Variants in DOCK1 observed in about 807,000 individuals in gnomAD.
The protein encoded by DOCK1 is dedicator of cytokinesis protein 1.
In DOCK1, 138 loss-of-function variants were observed where a neutral mutation model predicts 262.7. The ratio of observed to expected loss-of-function variants is 0.53; its 90% confidence interval spans 0.46 to 0.61. The LOEUF is 0.61. DOCK1 is among the 20% of genes least tolerant of loss of function. The pLI is 0.00. For missense variants in DOCK1, 1,908 were observed against 2,370.7 expected, an observed-to-expected ratio of 0.80 and a Z score of 4.05; for synonymous variants, 866 against 867.4, an observed-to-expected ratio of 1.00 and a Z score of 0.03.
chr10:127,180,034 C>T (rs2055577499), intron 27 of DOCK1, among the ~76,000 whole-genome samples: 1 of 152,186 alleles, frequency 6.6e-6, no homozygotes, highest in Non-Finnish European at 1.5e-5. Flanking sequence ...TAGTGGGCCA[C>T]ACCCATTGAA....
At chr10:127,151,731 T>G (rs564964778) in intron 27 of DOCK1, among the ~76,000 whole-genome samples, 1 of 152,340 alleles carries the variant, frequency 6.6e-6, no homozygotes, top group African/African-American at 2.4e-5. Flanking sequence ...TGCCTCGCCC[T>G]CTACCTAGTG....
At chr10:127,324,846 TA>T (rs2062689914) in intron 29 of DOCK1, among the ~76,000 whole-genome samples, 1 of 152,228 alleles carries the variant, frequency 6.6e-6, no homozygotes, top group Non-Finnish European at 1.5e-5. Flanking sequence ...TGAGCCTTGA[TA>T]AATGATTCAT....
intron 32 of DOCK1, among the ~76,000 whole-genome samples, chr10:127,361,475 T>C (rs982388425): frequency 1.3e-5 from 2 of 152,180 alleles, no homozygotes; most frequent in Non-Finnish European, 2.9e-5. Flanking sequence ...GTAGAATCAC[T>C]GCTGTTTTTA....
At chr10:126,915,968 G>T (rs1481406640) in intron 1 of DOCK1, among the ~76,000 whole-genome samples, 1 of 152,222 alleles carries the variant, frequency 6.6e-6, no homozygotes, top group Non-Finnish European at 1.5e-5. Flanking sequence ...TCTTGTCTAT[G>T]AGTATGTATG....
rs953419860 is a variant in DOCK1 at position 127,221,629 on chromosome 10, G to T, written c.2848-26379G>T. Among the ~76,000 whole-genome samples the T allele has an allele frequency of 2.0e-5, 3 of 152,124 alleles. 1 individual carries two copies. In the South Asian group the frequency reaches 6.2e-4, roughly 32 times the overall value. ...GGGCTCATAATACATGATGTAATTG[G>T]TTGGAAACGTGGATGTCCAAAAAGT... On this transcript the variant is annotated intron_variant, in intron 27 of 51. Coordinates refer to ENST00000623213, the MANE Select transcript of DOCK1 (RefSeq NM_001290223.2).
At chr10:126,994,312 T>C (rs1166554501) in intron 6 of DOCK1, among the ~76,000 whole-genome samples, 1 of 152,098 alleles carries the variant, frequency 6.6e-6, no homozygotes, top group Non-Finnish European at 1.5e-5. Flanking sequence ...TGTTTATTTA[T>C]TTATTTATTT....
chr10:126,920,644 C>G (rs753804127), intron 1 of DOCK1, among the ~76,000 whole-genome samples: 7 of 152,304 alleles, frequency 4.6e-5, no homozygotes, highest in Non-Finnish European at 7.3e-5. Flanking sequence ...CACAGATTGG[C>G]AAGCTTTTTC....
intron 13 of DOCK1, among the ~76,000 whole-genome samples, chr10:127,022,252 GC>G (rs2135441080): frequency 6.6e-6 from 1 of 152,202 alleles, no homozygotes; most frequent in South Asian, 2.1e-4. Context: ...GAAGGGAAGA[GC>G]CATGCAGAAA....
chr10:127,353,674 C>T (rs1410285466), intron 31 of DOCK1, among the ~76,000 whole-genome samples: 2 of 152,340 alleles, frequency 1.3e-5, no homozygotes, highest in East Asian at 1.9e-4. Context: ...TGGGCCAAGG[C>T]GCATGGCCTC....
intron 33 of DOCK1, among the ~76,000 whole-genome samples, chr10:127,371,997 G>C (rs776295295): frequency 1.8e-4 from 28 of 152,212 alleles, no homozygotes; most frequent in Non-Finnish European, 2.9e-4. Context: ...CCATCTGTCT[G>C]TGCTGCTAAA....
At chr10:127,020,746 C>CT (rs2042357651) in intron 13 of DOCK1, among the ~76,000 whole-genome samples, 1 of 152,158 alleles carries the variant, frequency 6.6e-6, no homozygotes, top group Non-Finnish European at 1.5e-5. Context: ...CGAGTAATCA[C>CT]TGGCCGCGCT....
intron 38 of DOCK1, among the ~76,000 whole-genome samples, chr10:127,397,965 T>C (rs1483341482): frequency 6.6e-6 from 1 of 152,138 alleles, no homozygotes; most frequent in Admixed American, 6.5e-5. Context: ...GCGACTCCTG[T>C]ATTACACAAC....
At chr10:127,166,159 G>A (rs188398689) in intron 27 of DOCK1, among the ~76,000 whole-genome samples, 3 of 152,214 alleles carry the variant, frequency 2.0e-5, no homozygotes, top group Non-Finnish European at 4.4e-5. Context: ...TCTGCCTCCC[G>A]GGCTCACTCC....
chr10:126,988,036 TAGGTA>T (rs1292547039), intron 5 of DOCK1: 1 of 147,424 alleles, frequency 6.8e-6, no homozygotes, highest in Non-Finnish European at 1.5e-5. Context: ...TGTCTGACAG[TAGGTA>T]ATACCTCTTA....
chr10:126,918,985 G>GGATTTGGAGGC (rs1564982423), intron 1 of DOCK1, among the ~76,000 whole-genome samples: 1 of 106,770 alleles, frequency 9.4e-6, no homozygotes, highest in African/African-American at 3.2e-5. Flanking sequence ...AAAGCCGAGA[G>GGATTTGGAGGC]GGAGTGTGGG....
Position 127,037,739 on chromosome 10 carries a change from A to T in DOCK1, c.1933A>T (p.Lys645Ter). ...TQNVDLLGLL[K>*]WRSNTSLLQQ... Reference sequence around the variant, plus strand: ...TCCAGTGGACCTTCTGGGGCTCTTGAAATGGCGCTCCAACACCAGCCTGCT... The same window carrying T: ...TCCAGTGGACCTTCTGGGGCTCTTGTAATGGCGCTCCAACACCAGCCTGCT... Residue 645 changes from lysine (K) to a stop codon, truncating the protein, a stop_gained, in exon 19 of 52, where the codon AAA becomes TAA. Coordinates refer to ENST00000623213, the MANE Select transcript of DOCK1 (RefSeq NM_001290223.2). LOFTEE classifies it high-confidence loss of function. The T allele has an allele frequency of 6.3e-7, 1 of 1,593,424 alleles. No homozygotes were observed. Among genetic ancestry groups the T allele is most frequent in the Non-Finnish European group, 8.5e-7 (1 of 1,169,702 alleles).
intron 29 of DOCK1, among the ~76,000 whole-genome samples, chr10:127,291,063 C>T (rs1012114210): frequency 1.1e-4 from 16 of 152,098 alleles, no homozygotes; most frequent in South Asian, 8.3e-4. Context: ...TTTGCATCCT[C>T]GACTGCTTCA....
chr10:127,110,473 G>A, intron 25 of DOCK1, 119 bp downstream of exon 25: 2 of 837,242 alleles, frequency 2.4e-6, no homozygotes, highest in Non-Finnish European at 3.9e-6. Context: ...TAAAACTGCT[G>A]TATTACAAGA....
At chr10:127,215,081 G>A (rs1275779346) in intron 27 of DOCK1, among the ~76,000 whole-genome samples, 2 of 151,986 alleles carry the variant, frequency 1.3e-5, no homozygotes, top group African/African-American at 2.4e-5. Context: ...TTTGGTTCTC[G>A]TTTTGTTCTT....
Sources: allele counts gnomAD v4.1 joint callset (sites outside exome capture counted in the v4.1 genomes callset), GRCh38; gene constraint gnomAD v4.1.1; transcripts MANE v1.5; gene names NCBI Gene and HGNC (gene_info 2026-07-23, HGNC 2026-07-21).